Variants in IRF2BP1 observed in about 807,000 individuals in gnomAD.
IRF2BP1 encodes the protein interferon regulatory factor 2 binding protein 1, also known as interferon regulatory factor 2-binding protein 1.
IRF2BP1 carries 9 observed loss-of-function variants against 38.6 expected under a neutral mutation model. The ratio of observed to expected loss-of-function variants is 0.23; its 90% CI spans 0.14 to 0.41. The LOEUF (loss-of-function observed/expected upper bound fraction) is 0.41, where lower values mean the gene tolerates loss of function less well. IRF2BP1 is among the 10% of genes least tolerant of loss of function. IRF2BP1 has a pLI of 1.00. For synonymous variants in IRF2BP1, 416 were observed against 383.4 expected, an observed-to-expected ratio of 1.08 and a Z score of -0.99; for missense variants, 631 against 829.6, an observed-to-expected ratio of 0.76 and a Z score of 2.94.
chr19:45,885,960 C>T lies in IRF2BP1; in HGVS notation c.-186G>A. ...CCCCTGGGCCCTAAGCCTTTCTGCT[C>T]ACTCCCGCCTCCCTCGCGAAGGCAG... On this transcript the variant is annotated 5_prime_UTR_variant, in exon 1 of 1. Transcript: ENST00000302165. 1 of 641,548 alleles carries T rather than the reference C, an allele frequency of 1.6e-6. No individual in the cohort carries two copies. The highest frequency in any genetic ancestry group is 2.8e-5 in the South Asian group (1 of 35,488). The allele number at this position is 641,548 out of a possible 1,614,324, so 39.7% of individuals were successfully genotyped here.
In IRF2BP1 at chr19:45,884,179, C is replaced by A; in HGVS notation, c.1596G>T (p.Arg532=). Residue 532 remains arginine, a synonymous_variant, in exon 1 of 1, where the codon CGG becomes CGT. Coordinates refer to ENST00000302165, the MANE Select transcript of IRF2BP1 (RefSeq NM_015649.3). The part of the protein sequence containing the change: ...PGHKFCFPCS[R]EFIKAQGPAG... ...CCGGGCCCTGCGCCTTGATGAACTC[C>A]CGGGAGCAGGGAAAGCAGAACTTGT... 4 of 1,612,972 alleles carry A rather than the reference C, an allele frequency of 2.5e-6. No individual in the cohort carries two copies. Among genetic ancestry groups the A allele is most frequent in the Non-Finnish European group, 3.4e-6 (4 of 1,179,894 alleles).
Position 45,883,943 on chromosome 19 carries a change from C to A in IRF2BP1, c.*77G>T. On this transcript the variant is annotated 3_prime_UTR_variant, in exon 1 of 1. Transcript: ENST00000302165. ...AGATAGAGGTGGCACTGGGCTGGGT[C>A]GGGGAGGGAATAATTTATCCGCGGC... is the stretch of plus-strand genomic sequence containing the variant. 7.3e-7 allele frequency: 1 copy of A among 1,372,766 alleles called. No homozygotes were observed. Among genetic ancestry groups the A allele is most frequent in the Non-Finnish European group, 9.7e-7 (1 of 1,025,886 alleles). 85.0% of individuals were successfully genotyped at this position (1,372,766 alleles called of 1,614,324 possible).
Position 45,884,476 on chromosome 19 carries a change from C to T in IRF2BP1, c.1299G>A (p.Leu433=), listed in dbSNP as rs202174256. 1,225 of 1,600,260 alleles carry T rather than the reference C, an allele frequency of 7.7e-4. 8 individuals carry two copies. The highest frequency in any genetic ancestry group is 3.8e-3 in the Middle Eastern group (23 of 6,052). Residue 433 remains leucine, a synonymous_variant, in exon 1 of 1, where the codon CTG becomes CTA. Coordinates refer to ENST00000302165, the MANE Select transcript of IRF2BP1 (RefSeq NM_015649.3). The part of the protein sequence containing the change: ...IAALKNVAEA[L]GHSPKDPGGG... ...CGCCAGGGTCCTTGGGTGAGTGGCC[C>T]AGGGCTTCGGCCACATTCTTCAGGG... is the stretch of plus-strand genomic sequence containing the variant.
In IRF2BP1 at chr19:45,885,576, G is replaced by A; in HGVS notation, c.199C>T (p.Pro67Ser). The change falls in exon 1 of 1, where the codon CCC becomes TCC. Residue 67 changes from proline (P) to serine (S), a missense_variant. Physicochemically the swap from Pro to Ser is moderately conservative, Grantham distance 74. Around this residue, in one of 5 missense-constraint regions of IRF2BP1, gnomAD observed 206 missense variants for 207.0 expected, o/e 1.00. Coordinates refer to ENST00000302165, the MANE Select transcript of IRF2BP1 (RefSeq NM_015649.3). ...GGGTGCTTAAGGGCCGGGGGCCCGG[G>A]CGAGCGGCCCTCGGGGAGCACGTGG... is the stretch of plus-strand genomic sequence containing the variant. ...RSHVLPEGRSPGPPALKHPAT... is the reference protein window; with the variant it reads ...RSHVLPEGRSSGPPALKHPAT... 1.0e-5 allele frequency: 15 copies of A among 1,485,954 alleles called. No homozygotes were observed. Among genetic ancestry groups the A allele is most frequent in the Non-Finnish European group, 1.3e-5 (15 of 1,123,908 alleles). The allele number at this position is 1,485,954 out of a possible 1,614,324, so 92.0% of individuals were successfully genotyped here.
In IRF2BP1 at chr19:45,885,030, C is replaced by T; in HGVS notation, c.745G>A (p.Asp249Asn). 1 of 1,613,350 alleles carries T rather than the reference C, an allele frequency of 6.2e-7. No homozygotes were observed. The highest frequency in any genetic ancestry group is 8.5e-7 in the Non-Finnish European group (1 of 1,180,048). The change falls in exon 1 of 1, where the codon GAT (aspartate) becomes AAT (asparagine). Residue 249 changes from aspartate to asparagine, a missense_variant. By Grantham distance (23) the Asp-to-Asn change is conservative (BLOSUM62 1). Coordinates refer to ENST00000302165, the MANE Select transcript of IRF2BP1 (RefSeq NM_015649.3). ...AACACTCGCCCCACCAGCCCGTGAT[C>T]CTTCTTGAAGCGCACATTGAACGGG... ...CAPFNVRFKK[D>N]HGLVGRVFAF...
In IRF2BP1 at chr19:45,884,512, C is replaced by G. The variant is rs758900961; in HGVS notation, c.1263G>C (p.Ser421=). Residue 421 remains serine, a synonymous_variant, in exon 1 of 1, where the codon TCG becomes TCC. Transcript: ENST00000302165. ...PYSAETPGVP[S]PIAALKNVAE... is the part of the protein sequence containing the mutation. ...CCACATTCTTCAGGGCGGCAATGGG[C>G]GAGGGCACACCAGGGGTCTCAGCGG... The G allele has an allele frequency of 1.1e-5, 18 of 1,600,134 alleles. No homozygotes were observed. In the Admixed American group the frequency reaches 2.0e-4, roughly 18 times the overall value.
Position 45,884,109 on chromosome 19 carries a change from C to G in IRF2BP1, c.1666G>C (p.Gly556Arg). Residue 556 changes from glycine to arginine, a missense_variant, in exon 1 of 1, where the codon GGC becomes CGC. Gly to Arg is a moderately radical substitution (Grantham distance 125). Around this residue, in one of 5 missense-constraint regions of IRF2BP1, gnomAD observed 58 missense variants for 108.4 expected, o/e 0.54. Transcript: ENST00000302165. ...CPSGDKCPLV[G>R]SSVPWAFMQG... Reference sequence around the variant, plus strand: ...ATGAAGGCCCAGGGCACGGAGGAGCCGACCAGCGGGCACTTGTCTCCGCTC... The same window carrying G: ...ATGAAGGCCCAGGGCACGGAGGAGCGGACCAGCGGGCACTTGTCTCCGCTC... 1 of 1,612,906 alleles carries G rather than the reference C, an allele frequency of 6.2e-7. No individual in the cohort carries two copies. The highest frequency in any genetic ancestry group is 8.5e-7 in the Non-Finnish European group (1 of 1,179,538).
In IRF2BP1 at chr19:45,885,880, TCCGGCCTCCGGC is replaced by T; in HGVS notation, c.-118_-107del. The T allele has an allele frequency of 7.8e-7, 1 of 1,286,644 alleles. No individual in the cohort carries two copies. Among genetic ancestry groups the T allele is most frequent in the Non-Finnish European group, 1.0e-6 (1 of 996,060 alleles). The allele number at this position is 1,286,644 out of a possible 1,614,324, so 79.7% of individuals were successfully genotyped here. Reference sequence around the variant, plus strand: ...GTCCCGGGGACAGCGCGAGCCACGGTCCGGCCTCCGGCTCGGCCTCCCCGCCGGATCCAGGCC... The same window carrying T: ...GTCCCGGGGACAGCGCGAGCCACGGTTCGGCCTCCCCGCCGGATCCAGGCC... On this transcript the variant is annotated 5_prime_UTR_variant, in exon 1 of 1. Coordinates refer to ENST00000302165, the MANE Select transcript of IRF2BP1 (RefSeq NM_015649.3).
chr19:45,885,223 G>A lies in IRF2BP1; in HGVS notation c.552C>T (p.Gly184=). The part of the protein sequence containing the change: ...LGSRGLTLAP[G]LSPARPLFGS... ...CGAAGAGGGGACGGGCAGGACTCAA[G>A]CCGGGTGCCAGCGTCAGGCCTCGGC... Residue 184 remains glycine (G), a synonymous_variant, in exon 1 of 1, where the codon GGC becomes GGT. Transcript: ENST00000302165. 3 of 1,605,576 alleles carry A rather than the reference G, an allele frequency of 1.9e-6. No individual in the cohort carries two copies. The highest frequency in any genetic ancestry group is 2.5e-6 in the Non-Finnish European group (3 of 1,179,984).
chr19:45,884,190 G>A lies in IRF2BP1; in HGVS notation c.1585C>T (p.Pro529Ser). The A allele has an allele frequency of 1.2e-6, 2 of 1,612,752 alleles. No individual in the cohort carries two copies. The highest frequency in any genetic ancestry group is 1.7e-6 in the Non-Finnish European group (2 of 1,179,852). Residue 529 changes from proline (P) to serine (S), a missense_variant, in exon 1 of 1, where the codon CCC (proline) becomes TCC (serine). This residue lies in a region of IRF2BP1 where 58 missense variants were observed against 108.4 expected (regional missense o/e 0.54). Transcript: ENST00000302165. The part of the protein sequence containing the change: ...PSVPGHKFCF[P>S]CSREFIKAQG... ...GCCTTGATGAACTCCCGGGAGCAGG[G>A]AAAGCAGAACTTGTGTCCGGGCACC...
chr19:45,885,213 C>T lies in IRF2BP1; in HGVS notation c.562G>A (p.Ala188Thr). The T allele has an allele frequency of 1.2e-6, 2 of 1,606,628 alleles. No homozygotes were observed. The highest frequency in any genetic ancestry group is 8.5e-7 in the Non-Finnish European group (1 of 1,179,984). The part of the protein sequence containing the change: ...GLTLAPGLSP[A>T]RPLFGSDFEK... Reference sequence around the variant, plus strand: ...AAATCGGAGCCGAAGAGGGGACGGGCAGGACTCAAGCCGGGTGCCAGCGTC... The same window carrying T: ...AAATCGGAGCCGAAGAGGGGACGGGTAGGACTCAAGCCGGGTGCCAGCGTC... The change falls in exon 1 of 1, where the codon GCC (alanine) becomes ACC (threonine). Residue 188 changes from alanine (A) to threonine (T), a missense_variant. Ala to Thr is a moderately conservative substitution (Grantham distance 58). This residue lies in a region of IRF2BP1 where 206 missense variants were observed against 207.0 expected (regional missense o/e 1.00). Coordinates refer to ENST00000302165, the MANE Select transcript of IRF2BP1 (RefSeq NM_015649.3).
In IRF2BP1 at chr19:45,884,782, G is replaced by C; in HGVS notation, c.993C>G (p.Gly331=). 1 of 1,612,460 alleles carries C rather than the reference G, an allele frequency of 6.2e-7. No homozygotes were observed. The highest frequency in any genetic ancestry group is 8.5e-7 in the Non-Finnish European group (1 of 1,179,964). ...TGCGGACGCCGTCGGTAAGCAGCTCGCCCAGCTGCCGCCATTCTCCTGATC... is the reference window on the plus strand; with the variant it reads ...TGCGGACGCCGTCGGTAAGCAGCTCCCCCAGCTGCCGCCATTCTCCTGATC... ...RHGSGEWRQL[G]ELLTDGVRSF... Residue 331 remains glycine (G), a synonymous_variant, in exon 1 of 1, where the codon GGC becomes GGG. Transcript: ENST00000302165.
chr19:45,885,540 C>T lies in IRF2BP1; in HGVS notation c.235G>A (p.Asp79Asn). 7 of 1,431,726 alleles carry T rather than the reference C, an allele frequency of 4.9e-6. No homozygotes were observed. The highest frequency in any genetic ancestry group is 6.4e-6 in the Non-Finnish European group (7 of 1,099,826). The allele number at this position is 1,431,726 out of a possible 1,614,324, so 88.7% of individuals were successfully genotyped here. The change falls in exon 1 of 1, where the codon GAC (aspartate) becomes AAC (asparagine). Residue 79 changes from aspartate (D) to asparagine (N), a missense_variant. Physicochemically the swap from Asp to Asn is conservative, Grantham distance 23 (BLOSUM62 1). Coordinates refer to ENST00000302165, the MANE Select transcript of IRF2BP1 (RefSeq NM_015649.3). ...PPALKHPATKDLAAAAAQGPQ... is the reference protein window; with the variant it reads ...PPALKHPATKNLAAAAAQGPQ... ...CCCTGTGCGGCTGCCGCCGCCAGGT[C>T]CTTGGTGGCCGGGTGCTTAAGGGCC...
Position 45,885,541 on chromosome 19 carries a change from C to T in IRF2BP1, c.234G>A (p.Lys78=). 1 of 1,432,744 alleles carries T rather than the reference C, an allele frequency of 7.0e-7. No individual in the cohort carries two copies. The highest frequency in any genetic ancestry group is 2.4e-4 in the Middle Eastern group (1 of 4,108). 88.8% of individuals were successfully genotyped at this position (1,432,744 alleles called of 1,614,324 possible). Residue 78 remains lysine, a synonymous_variant, in exon 1 of 1, where the codon AAG becomes AAA. Coordinates refer to ENST00000302165, the MANE Select transcript of IRF2BP1 (RefSeq NM_015649.3). The part of the protein sequence containing the change: ...GPPALKHPAT[K]DLAAAAAQGP... The stretch of plus-strand genomic sequence containing the variant: ...CCTGTGCGGCTGCCGCCGCCAGGTC[C>T]TTGGTGGCCGGGTGCTTAAGGGCCG...
Position 45,885,018 on chromosome 19 carries a change from C to G in IRF2BP1, c.757G>C (p.Val253Leu). ...GCATCGAAGGCGAACACTCGCCCCA[C>G]CAGCCCGTGATCCTTCTTGAAGCGC... ...NVRFKKDHGL[V>L]GRVFAFDATA... Residue 253 changes from valine to leucine, a missense_variant, in exon 1 of 1, where the codon GTG becomes CTG. Physicochemically the swap from Val to Leu is conservative, Grantham distance 32. Around this residue, in one of 5 missense-constraint regions of IRF2BP1, gnomAD observed 133 missense variants for 232.2 expected, o/e 0.57. Coordinates refer to ENST00000302165, the MANE Select transcript of IRF2BP1 (RefSeq NM_015649.3). The G allele has an allele frequency of 6.2e-7, 1 of 1,613,394 alleles. No individual in the cohort carries two copies. Among genetic ancestry groups the G allele is most frequent in the African/African-American group, 1.3e-5 (1 of 75,070 alleles).
At position 45,885,457 on chromosome 19, in the gene IRF2BP1, C is replaced by T. The variant is rs780618113; in HGVS notation, c.318G>A (p.Val106=). Residue 106 remains valine, a synonymous_variant, in exon 1 of 1, where the codon GTG becomes GTA. Coordinates refer to ENST00000302165, the MANE Select transcript of IRF2BP1 (RefSeq NM_015649.3). Reference sequence around the variant, plus strand: ...CCCTGTCATAGCGGTCCTGGCCCGACACGCCGCCGCCGGTCCCTGACGGCT... The same window carrying T: ...CCCTGTCATAGCGGTCCTGGCCCGATACGCCGCCGCCGGTCCCTGACGGCT... The part of the protein sequence containing the change: ...QPQPSGTGGG[V]SGQDRYDRAT... 1.3e-6 allele frequency: 2 copies of T among 1,486,022 alleles called. No individual in the cohort carries two copies. Among genetic ancestry groups the T allele is most frequent in the Non-Finnish European group, 1.8e-6 (2 of 1,123,144 alleles). The allele number at this position is 1,486,022 out of a possible 1,614,324, so 92.1% of individuals were successfully genotyped here.
In IRF2BP1 at chr19:45,884,903, G is replaced by T; in HGVS notation, c.872C>A (p.Ala291Glu). 6.2e-7 allele frequency: 1 copy of T among 1,613,264 alleles called. No homozygotes were observed. Among genetic ancestry groups the T allele is most frequent in the Non-Finnish European group, 8.5e-7 (1 of 1,180,026 alleles). The change falls in exon 1 of 1, where the codon GCA (alanine) becomes GAA (glutamate). Residue 291 changes from alanine (A) to glutamate (E), a missense_variant. Ala to Glu is a moderately radical substitution (Grantham distance 107, BLOSUM62 -1). Transcript: ENST00000302165. ...ATCGTGGAACATCTGGCGAGCCACT[G>T]CCAGGACGCCGGCGTACACATTGCC... ...GSGNVYAGVL[A>E]VARQMFHDAL... is the part of the protein sequence containing the mutation.
At position 45,883,986 on chromosome 19, in the gene IRF2BP1, G is replaced by A. The variant is rs766579617; in HGVS notation, c.*34C>T. On this transcript the variant is annotated 3_prime_UTR_variant, in exon 1 of 1. Transcript: ENST00000302165. ...TCCGCGGCAGCGGTGGGTGGCAAAG[G>A]GGCAGAGGGCAGTAGCCTGGAGGCA... 2.0e-6 allele frequency: 3 copies of A among 1,515,930 alleles called. No homozygotes were observed. The highest frequency in any genetic ancestry group is 1.3e-5 in the South Asian group (1 of 78,646). 93.9% of individuals were successfully genotyped at this position (1,515,930 alleles called of 1,614,324 possible).
Position 45,885,798 on chromosome 19 carries a change from G to A in IRF2BP1, c.-24C>T. The A allele has an allele frequency of 1.3e-6, 2 of 1,513,326 alleles. No homozygotes were observed. Among genetic ancestry groups the A allele is most frequent in the Non-Finnish European group, 1.8e-6 (2 of 1,142,354 alleles). The allele number at this position is 1,513,326 out of a possible 1,614,324, so 93.7% of individuals were successfully genotyped here. A position where few individuals can be genotyped will look rare whatever the true frequency, so the allele number is the denominator to read the frequency against. ...ATGGCCCCAGTCCGCGCGCCGCCCA[G>A]CTCCCGCGTTCCACCGGCCGCCGAC... On this transcript the variant is annotated 5_prime_UTR_variant, in exon 1 of 1. Transcript: ENST00000302165.
Sources: gnomAD v4.1 joint callset for allele counts on GRCh38, gnomAD v4.1.1 for gene constraint, gnomAD v4.1.1 regional missense constraint, MANE v1.5 for transcripts, NCBI Gene and HGNC (gene_info 2026-07-23, HGNC 2026-07-21) for gene names.